CDIP1: variants seen among roughly 807,000 people sequenced by gnomAD.
CDIP1 encodes cell death-inducing p53-target protein 1.
In CDIP1, 9 loss-of-function variants were observed where a neutral mutation model predicts 17.7. That is an observed-to-expected ratio of 0.51 (90% confidence interval 0.31 to 0.89). The LOEUF (loss-of-function observed/expected upper bound fraction) is 0.89. Among genes scored for constraint, CDIP1 ranks in the 40% least tolerant of loss-of-function variants. The pLI is 0.05. For missense variants in CDIP1, 263 were observed against 277.9 expected (o/e 0.95, Z 0.38); for synonymous variants, 117 against 109.5 (o/e 1.07, Z -0.43).
rs376740545 is a variant in CDIP1, at chr16:4,514,209, C to T, written c.-14-65G>A. The T allele has an allele frequency of 9.4e-6, 9 of 956,800 alleles. No individual in the cohort carries two copies. Among genetic ancestry groups the T allele is most frequent in the East Asian group, 6.1e-5 (2 of 32,908 alleles). 59.3% of individuals were successfully genotyped at this position (956,800 alleles called of 1,614,324 possible). On this transcript the variant is annotated intron_variant, in intron 2 of 5. Coordinates refer to ENST00000567695, the MANE Select transcript of CDIP1 (RefSeq NM_013399.3). The surrounding 1 kb of genome is among the most constrained non-coding windows in gnomAD (Gnocchi z 5.2). ...CAGCCAGGTTCCTTCTCCTTCAGCCCTGTGGGGTGGCCAAGATGCTGCACA... is the reference window on the plus strand; with the variant it reads ...CAGCCAGGTTCCTTCTCCTTCAGCCTTGTGGGGTGGCCAAGATGCTGCACA...
intron 1 of CDIP1, among the ~76,000 whole-genome samples, chr16:4,529,309 C>A (rs1240834547): frequency 6.6e-6 from 1 of 152,178 alleles, no homozygotes; most frequent in Non-Finnish European, 1.5e-5. Context: ...GGTCACCTGA[C>A]CAAAGAGGGC....
chr16:4,525,244 G>C (rs2058987812), intron 1 of CDIP1, among the ~76,000 whole-genome samples: 1 of 152,174 alleles, frequency 6.6e-6, no homozygotes, highest in Non-Finnish European at 1.5e-5. Flanking sequence ...AAGGCATGGG[G>C]AATACTCCCT....
intron 1 of CDIP1, among the ~76,000 whole-genome samples, chr16:4,537,340 G>C (rs988484059): frequency 2.0e-5 from 3 of 152,306 alleles, no homozygotes; most frequent in African/African-American, 7.2e-5. Flanking sequence ...TGAATGTGTA[G>C]AGGGGGAGTC....
rs548854413 is a variant in CDIP1, at chr16:4,523,553, C to T, written c.-104-8889G>A. 8.5e-5 allele frequency among the ~76,000 whole-genome samples: 13 copies of T among 152,248 alleles called. No homozygotes were observed. In the South Asian group the frequency reaches 2.7e-3, roughly 32 times the overall value. ...AAGACATGTCCCTGCCTTCCAGAAG[C>T]TTACGGTCAAGTGAAGAGGATGAGC... On this transcript the variant is annotated intron_variant, in intron 1 of 5. Transcript: ENST00000567695.
rs2141628197 is a variant in CDIP1, at chr16:4,513,923, G to C, written c.86-72C>G. 1 of 1,450,446 alleles carries C rather than the reference G, an allele frequency of 6.9e-7. No individual in the cohort carries two copies. The highest frequency in any genetic ancestry group is 9.3e-7 in the Non-Finnish European group (1 of 1,077,898). 89.8% of individuals were successfully genotyped at this position (1,450,446 alleles called of 1,614,324 possible). A position where few individuals can be genotyped will look rare whatever the true frequency, so the allele number is the denominator to read the frequency against. On this transcript the variant is annotated intron_variant, in intron 3 of 5. Coordinates refer to ENST00000567695, the MANE Select transcript of CDIP1 (RefSeq NM_013399.3). The surrounding 1 kb of genome is among the most constrained non-coding windows in gnomAD (Gnocchi z 4.1). ...ACGATGAGCTCGACCAGAGGCCACT[G>C]TTTTGGGACACAGATGGGGCCCAGG...
chr16:4,528,853 G>T (rs112361389), intron 1 of CDIP1, among the ~76,000 whole-genome samples: 2,681 of 152,132 alleles, frequency 0.018, 82 homozygotes, highest in African/African-American at 0.061. Context: ...GCCAGGCGTG[G>T]TGGCGCATGC....
In CDIP1 at chr16:4,513,119, G is replaced by C; in HGVS notation, c.242-55C>G. The C allele has an allele frequency of 1.3e-6, 2 of 1,487,766 alleles. No homozygotes were observed. The highest frequency in any genetic ancestry group is 2.8e-5 in the African/African-American group (2 of 72,318). The allele number at this position is 1,487,766 out of a possible 1,614,324, so 92.2% of individuals were successfully genotyped here. On this transcript the variant is annotated intron_variant, in intron 4 of 5. Coordinates refer to ENST00000567695, the MANE Select transcript of CDIP1 (RefSeq NM_013399.3). The surrounding 1 kb of genome is among the most constrained non-coding windows in gnomAD (Gnocchi z 4.1). ...GGTCACTGGCCTGCCACCTGCACCAGACAAAGAGATTGGCGCAAAGCCCCA... is the reference window on the plus strand; with the variant it reads ...GGTCACTGGCCTGCCACCTGCACCACACAAAGAGATTGGCGCAAAGCCCCA...
In CDIP1 at chr16:4,513,999, G is replaced by A; in HGVS notation, c.85+47C>T. 1 of 1,353,772 alleles carries A rather than the reference G, an allele frequency of 7.4e-7. No individual in the cohort carries two copies. Among genetic ancestry groups the A allele is most frequent in the Non-Finnish European group, 1.0e-6 (1 of 1,001,526 alleles). The allele number at this position is 1,353,772 out of a possible 1,614,324, so 83.9% of individuals were successfully genotyped here. On this transcript the variant is annotated intron_variant, in intron 3 of 5. Transcript: ENST00000567695. The surrounding 1 kb of genome is among the most constrained non-coding windows in gnomAD (Gnocchi z 4.1). ...CTTAGAGAGTCCCAACCATGCCATG[G>A]CGGCAGGGGGCTGCAATATGGAGCC...
chr16:4,522,626 C>T (rs1475381235), intron 1 of CDIP1: 1 of 152,290 alleles, frequency 6.6e-6, no homozygotes, highest in Admixed American at 6.5e-5. Flanking sequence ...AGGTAAAAGA[C>T]AAACACTCTC....
At chr16:4,525,430 A>G (rs902748499) in intron 1 of CDIP1, among the ~76,000 whole-genome samples, 2 of 152,194 alleles carry the variant, frequency 1.3e-5, no homozygotes, top group African/African-American at 4.8e-5. Flanking sequence ...TTAATAGAGC[A>G]TGCACTGTTT....
At chr16:4,525,062 T>A (rs1310596980) in intron 1 of CDIP1, among the ~76,000 whole-genome samples, 1 of 152,104 alleles carries the variant, frequency 6.6e-6, no homozygotes, top group Non-Finnish European at 1.5e-5. Context: ...GTCACGCCAA[T>A]GCACTCTAGC....
chr16:4,536,770 T>TCC, intron 1 of CDIP1: 1 of 20,708 alleles, frequency 4.8e-5, no homozygotes, highest in Admixed American at 5.6e-4. Context: ...ATGCCATCTC[T>TCC]ACAAAAAAAA....
chr16:4,529,914 G>A (rs1161972988), intron 1 of CDIP1, among the ~76,000 whole-genome samples: 3 of 152,260 alleles, frequency 2.0e-5, no homozygotes, highest in Non-Finnish European at 2.9e-5. Flanking sequence ...CCAGGGAGCT[G>A]GGCTCTGCCC....
At chr16:4,528,101 G>T (rs1309697810) in intron 1 of CDIP1, among the ~76,000 whole-genome samples, 1 of 152,202 alleles carries the variant, frequency 6.6e-6, no homozygotes, top group Non-Finnish European at 1.5e-5. Context: ...ACAAGCATGA[G>T]CCACCATGCC....
intron 1 of CDIP1, among the ~76,000 whole-genome samples, chr16:4,520,811 C>G (rs1009820123): frequency 6.6e-6 from 1 of 152,178 alleles, no homozygotes; most frequent in African/African-American, 2.4e-5. Context: ...GTTCACTTTG[C>G]TCATTTTCAA....
Position 4,536,973 on chromosome 16 carries a change from C to G in CDIP1, c.-105+1729G>C, listed in dbSNP as rs112171490. On this transcript the variant is annotated intron_variant, in intron 1 of 5. Coordinates refer to ENST00000567695, the MANE Select transcript of CDIP1 (RefSeq NM_013399.3). ...CCTTTGTAAGAGAACCTGTAAAGCT[C>G]TTCCCTGGTTCTCCCATCCTGTGGA... is the stretch of plus-strand genomic sequence containing the variant. 2.2e-3 allele frequency among the ~76,000 whole-genome samples: 342 copies of G among 152,258 alleles called. 1 individual carries two copies. Among genetic ancestry groups the G allele is most frequent in the Non-Finnish European group, 2.9e-3 (200 of 68,024 alleles).
At chr16:4,530,915 G>C (rs899269082) in intron 1 of CDIP1, among the ~76,000 whole-genome samples, 1 of 152,122 alleles carries the variant, frequency 6.6e-6, no homozygotes, top group Non-Finnish European at 1.5e-5. Flanking sequence ...CTAAGTTCCT[G>C]TAACTCTAAG....
intron 1 of CDIP1, among the ~76,000 whole-genome samples, chr16:4,528,683 C>CACAAAAAAA (rs1555501960): frequency 2.0e-4 from 10 of 50,962 alleles, no homozygotes; most frequent in African/African-American, 8.5e-4. Context: ...AACCCTGTCT[C>CACAAAAAAA]AAAAAAAAAA....
intron 1 of CDIP1, among the ~76,000 whole-genome samples, chr16:4,535,856 C>T (rs745578835): frequency 6.7e-6 from 1 of 149,368 alleles, no homozygotes; most frequent in African/African-American, 2.5e-5. Context: ...GCCTTTACCA[C>T]CTCCCACAGA....
Sources: gnomAD v4.1 joint callset for allele counts (sites outside exome capture counted in the v4.1 genomes callset) on GRCh38, gnomAD v4.1.1 for gene constraint, Gnocchi (gnomAD v3.1) non-coding constraint, MANE v1.5 for transcripts, NCBI Gene and HGNC (gene_info 2026-07-23, HGNC 2026-07-21) for gene names.